RSU1: variants seen among roughly 807,000 people sequenced by gnomAD.
The protein encoded by RSU1 is Ras suppressor protein 1.
In RSU1, 26 loss-of-function variants were observed where a neutral mutation model predicts 31.1. The ratio of observed to expected loss-of-function variants is 0.84; its 90% confidence interval spans 0.61 to 1.16. The LOEUF is 1.16. Among genes scored for constraint, RSU1 ranks in the 50% most tolerant of loss-of-function variants. The probability of loss-of-function intolerance (pLI) is 0.00; values close to 1 mark genes in which losing one functional copy is unlikely to be tolerated. For synonymous variants in RSU1, 164 were observed against 136.3 expected, an observed-to-expected ratio of 1.20 and a Z score of -1.41; for missense variants, 320 against 339.1, an observed-to-expected ratio of 0.94 and a Z score of 0.44.
At position 16,695,169 on chromosome 10, in the gene RSU1, A is replaced by AAG; in HGVS notation, c.599-15_599-14insCT. 1.6e-6 allele frequency: 2 copies of AAG among 1,220,852 alleles called. No individual in the cohort carries two copies. Among genetic ancestry groups the AAG allele is most frequent in the Admixed American group, 4.1e-5 (2 of 48,844 alleles). 75.6% of individuals were successfully genotyped at this position (1,220,852 alleles called of 1,614,324 possible). The stretch of plus-strand genomic sequence containing the variant: ...AATCCAAGTTTCCTGGGGGGGGGGA[A>AAG]AAAAAAAGTGAAGGTCACTTCATCC... On this transcript the variant is annotated splice_polypyrimidine_tract_variant and intron_variant, in intron 7 of 8. Transcript: ENST00000345264.
chr10:16,777,661 G>T (rs1015322396), intron 3 of RSU1, among the ~76,000 whole-genome samples: 6 of 152,108 alleles, frequency 3.9e-5, no homozygotes, highest in Non-Finnish European at 8.8e-5. Flanking sequence ...GTCCCCAAAA[G>T]AAACTCCTTT....
chr10:16,644,624 C>T (rs947200561), intron 8 of RSU1, among the ~76,000 whole-genome samples: 3 of 152,136 alleles, frequency 2.0e-5, no homozygotes, highest in Non-Finnish European at 2.9e-5. Flanking sequence ...GTCTCCCAGA[C>T]CTGTGGCATT....
At chr10:16,773,991 G>A (rs1341378650) in intron 3 of RSU1, among the ~76,000 whole-genome samples, 4 of 151,832 alleles carry the variant, frequency 2.6e-5, no homozygotes, top group Non-Finnish European at 4.4e-5. Flanking sequence ...ACAGCAAAAC[G>A]CAAGGTCAAT....
chr10:16,613,722 T>G (rs1043952742), intron 8 of RSU1, among the ~76,000 whole-genome samples: 14 of 152,132 alleles, frequency 9.2e-5, no homozygotes, highest in African/African-American at 3.4e-4. Flanking sequence ...CTATATTCTC[T>G]GTTACTATAC....
chr10:16,654,223 G>A (rs1366979984), intron 8 of RSU1, among the ~76,000 whole-genome samples: 1 of 151,272 alleles, frequency 6.6e-6, no homozygotes, highest in South Asian at 2.1e-4. Flanking sequence ...GGCTGGTCTC[G>A]AACTACTGAC....
At chr10:16,645,423 T>A (rs139378241) in intron 8 of RSU1, among the ~76,000 whole-genome samples, 2 of 151,426 alleles carry the variant, frequency 1.3e-5, no homozygotes, top group Non-Finnish European at 2.9e-5. Context: ...AAACATTTCA[T>A]TGGAAAATAA....
At chr10:16,738,275 T>A (rs1030358780) in intron 7 of RSU1, among the ~76,000 whole-genome samples, 1 of 151,406 alleles carries the variant, frequency 6.6e-6, no homozygotes, top group African/African-American at 2.4e-5. Flanking sequence ...TGAAACTCCG[T>A]CTCTACTAAA....
intron 4 of RSU1, among the ~76,000 whole-genome samples, chr10:16,759,582 G>A (rs1270139836): frequency 6.6e-6 from 1 of 152,170 alleles, no homozygotes; most frequent in East Asian, 1.9e-4. Flanking sequence ...ATGTGTTTAT[G>A]AGACAAGCTC....
At chr10:16,657,943 T>C (rs1259345477) in intron 8 of RSU1, among the ~76,000 whole-genome samples, 1 of 151,982 alleles carries the variant, frequency 6.6e-6, no homozygotes, top group East Asian at 1.9e-4. Flanking sequence ...TGAGCCAAGA[T>C]CACACGACTG....
intron 7 of RSU1, among the ~76,000 whole-genome samples, chr10:16,706,993 A>C (rs1267700954): frequency 6.6e-6 from 1 of 152,100 alleles, no homozygotes; most frequent in Non-Finnish European, 1.5e-5. Flanking sequence ...GAGTGGGATC[A>C]TGTGTTATGT....
At chr10:16,619,702 A>C (rs1834036834) in intron 8 of RSU1, among the ~76,000 whole-genome samples, 1 of 152,240 alleles carries the variant, frequency 6.6e-6, no homozygotes, top group Admixed American at 6.5e-5. Flanking sequence ...GTCATTTCTT[A>C]GCTAGAGTTA....
In RSU1 at chr10:16,739,466, C is replaced by CTTTT. The variant is rs35664560; in HGVS notation, c.598+13069_598+13072dup. On this transcript the variant is annotated intron_variant, in intron 7 of 8. Transcript: ENST00000345264. ...TTTGCAAGAAATGTACATTTTCTTCCTTTTTTTTTTTTTTTTTTTTTTGAG... is the reference window on the plus strand; with the variant it reads ...TTTGCAAGAAATGTACATTTTCTTCCTTTTTTTTTTTTTTTTTTTTTTTTTTGAG... 7.7e-3 allele frequency among the ~76,000 whole-genome samples: 724 copies of CTTTT among 94,236 alleles called. 38 individuals carry two copies. Among genetic ancestry groups the CTTTT allele is most frequent in the African/African-American group, 0.027 (626 of 23,550 alleles). The allele number at this position is 94,236 out of a possible 152,430, so 61.8% of individuals were successfully genotyped here.
At chr10:16,717,663 T>C (rs753444042) in intron 7 of RSU1, among the ~76,000 whole-genome samples, 8 of 152,196 alleles carry the variant, frequency 5.3e-5, no homozygotes, top group Non-Finnish European at 8.8e-5. Flanking sequence ...GGATGCCTTA[T>C]TGTCTAGTAT....
chr10:16,812,860 C>T (rs1218942651), intron 2 of RSU1, among the ~76,000 whole-genome samples: 1 of 152,178 alleles, frequency 6.6e-6, no homozygotes, highest in Non-Finnish European at 1.5e-5. Flanking sequence ...AAGCTGATTA[C>T]AGGGCCCTTC....
At chr10:16,793,359 C>T (rs1181337999) in intron 2 of RSU1, among the ~76,000 whole-genome samples, 1 of 151,502 alleles carries the variant, frequency 6.6e-6, no homozygotes, top group Non-Finnish European at 1.5e-5. Flanking sequence ...ACATAAATGA[C>T]AACTGAAAAA....
At chr10:16,666,369 C>A (rs45624432) in intron 8 of RSU1, among the ~76,000 whole-genome samples, 4,389 of 152,198 alleles carry the variant, frequency 0.029, 105 homozygotes, top group South Asian at 0.069. Flanking sequence ...AAGCAAGTAC[C>A]CTTCTCCTGC....
intron 8 of RSU1, among the ~76,000 whole-genome samples, chr10:16,664,797 C>T (rs191888296): frequency 6.6e-6 from 1 of 152,202 alleles, no homozygotes; most frequent in Admixed American, 6.5e-5. Flanking sequence ...GACATAATAC[C>T]GGAAATAAAC....
chr10:16,658,759 G>A (rs755627169), intron 8 of RSU1, among the ~76,000 whole-genome samples: 25 of 152,174 alleles, frequency 1.6e-4, no homozygotes, highest in African/African-American at 4.3e-4. Flanking sequence ...TTTGGTGCTC[G>A]TTAAGAAGAA....
chr10:16,787,607 G>T (rs908133082), intron 2 of RSU1, among the ~76,000 whole-genome samples: 1 of 152,172 alleles, frequency 6.6e-6, no homozygotes, highest in Non-Finnish European at 1.5e-5. Context: ...CATGGGGAGT[G>T]GTTTCCCCAT....
Sources: gnomAD v4.1 joint callset for allele counts (sites outside exome capture counted in the v4.1 genomes callset) on GRCh38, gnomAD v4.1.1 for gene constraint, MANE v1.5 for transcripts, NCBI Gene and HGNC (gene_info 2026-07-23, HGNC 2026-07-21) for gene names.